KCNN4: variants seen among roughly 807,000 people sequenced by gnomAD.
KCNN4 encodes potassium calcium-activated channel subfamily N member 4.
A neutral mutation model predicts 45.2 loss-of-function variants in KCNN4; 31 were observed. The ratio of observed to expected loss-of-function variants is 0.69; its 90% confidence interval spans 0.52 to 0.92. KCNN4 has a LOEUF of 0.92. Ranked by LOEUF, KCNN4 falls within the 40% of genes least tolerant of loss-of-function variation. The pLI, the probability that KCNN4 is intolerant of heterozygous loss-of-function variation, is 0.00. For synonymous variants in KCNN4, 231 were observed against 254.6 expected, an observed-to-expected ratio of 0.91 and a Z score of 0.88; for missense variants, 463 against 574.0, an observed-to-expected ratio of 0.81 and a Z score of 1.98.
intron 1 of KCNN4, among the ~76,000 whole-genome samples, chr19:43,777,672 C>CTCTTTTT (rs111402121): frequency 6.8e-6 from 1 of 146,468 alleles, no homozygotes. Context: ...GAAATTGTTC[C>CTCTTTTT]TTTTTTTTTT....
chr19:43,767,199 G>A, intron 8 of KCNN4, 110 bp from the exon 9 acceptor site: 1 of 258,392 alleles, frequency 3.9e-6, no homozygotes, highest in Non-Finnish European at 7.8e-6. Flanking sequence ...GAGACAGGGG[G>A]CAGGTGTTTC....
rs1170962663 is a variant in KCNN4 at position 43,772,998 on chromosome 19, T to C, written c.684-863A>G. 1.3e-5 allele frequency among the ~76,000 whole-genome samples: 2 copies of C among 152,236 alleles called. No homozygotes were observed. Among genetic ancestry groups the C allele is most frequent in the Non-Finnish European group, 2.9e-5 (2 of 68,040 alleles). The stretch of plus-strand genomic sequence containing the variant: ...TTCCCAATTGTGAAAACTAAGATCC[T>C]GGAAGGTGAAGGAGTTTAAACTCAT... On this transcript the variant is annotated intron_variant, in intron 3 of 8. Coordinates refer to ENST00000648319, the MANE Select transcript of KCNN4 (RefSeq NM_002250.3). The surrounding 1 kb of genome is among the most constrained non-coding windows in gnomAD (Gnocchi z 4.4).
chr19:43,770,614 C>T (rs1317850506), intron 4 of KCNN4, among the ~76,000 whole-genome samples: 1 of 152,220 alleles, frequency 6.6e-6, no homozygotes, highest in East Asian at 1.9e-4. Context: ...GCCTGGGTTC[C>T]AAGCCCAGCT....
rs150786298 is a variant in KCNN4, at chr19:43,772,827, C to T, written c.684-692G>A. Among the ~76,000 whole-genome samples the T allele has an allele frequency of 8.2e-3, 1,246 of 152,330 alleles. 16 individuals are homozygous for T. Among genetic ancestry groups the T allele is most frequent in the African/African-American group, 0.029 (1,193 of 41,566 alleles). On this transcript the variant is annotated intron_variant, in intron 3 of 8. Coordinates refer to ENST00000648319, the MANE Select transcript of KCNN4 (RefSeq NM_002250.3). This position sits in a 1 kb window ranked among gnomAD's most constrained non-coding sequence, Gnocchi z 4.4. ...GCGAAGATGGAATCTGTACTGTTCA[C>T]AAACCCCACCCCCTCATTCCGAAGT...
chr19:43,777,529 T>G (rs1969848658), intron 1 of KCNN4, among the ~76,000 whole-genome samples: 1 of 152,154 alleles, frequency 6.6e-6, no homozygotes, highest in South Asian at 2.1e-4. Context: ...GCTGAGTCCC[T>G]GAGACCCAGC....
intron 2 of KCNN4, among the ~76,000 whole-genome samples, chr19:43,775,473 T>C (rs1969775182): frequency 1.3e-5 from 2 of 152,192 alleles, no homozygotes; most frequent in Non-Finnish European, 2.9e-5. Context: ...CCCCATTTTA[T>C]AGATGTGGAA....
intron 1 of KCNN4, 69 bp downstream of exon 1, chr19:43,780,634 G>T (rs923861294): frequency 1.9e-6 from 1 of 516,264 alleles, no homozygotes; most frequent in Non-Finnish European, 3.0e-6. Context: ...AGACCCAAGA[G>T]TCCTGACCCC....
chr19:43,776,880 C>T (rs138996997), intron 1 of KCNN4: 5 of 438,812 alleles, frequency 1.1e-5, no homozygotes, highest in African/African-American at 5.9e-5. Context: ...GGTGGATCAC[C>T]GAAGGTCGGG....
chr19:43,767,765 A>T, intron 7 of KCNN4, 58 bp from the exon 8 acceptor site: 2 of 1,602,094 alleles, frequency 1.2e-6, no homozygotes, highest in Non-Finnish European at 1.7e-6. Context: ...CACCTACTCC[A>T]TAGCGTAAGG....
At chr19:43,773,371 AGAG>A (rs1969697466) in intron 3 of KCNN4, among the ~76,000 whole-genome samples, 1 of 152,236 alleles carries the variant, frequency 6.6e-6, no homozygotes, top group African/African-American at 2.4e-5. Context: ...TGAGGCTCAG[AGAG>A]GAGAGATCTA....
Position 43,769,282 on chromosome 19 carries a change from G to A in KCNN4, c.1049+160C>T. 1 of 693,194 alleles carries A rather than the reference G, an allele frequency of 1.4e-6. No homozygotes were observed. Among genetic ancestry groups the A allele is most frequent in the Middle Eastern group, 3.9e-4 (1 of 2,586 alleles). 42.9% of individuals were successfully genotyped at this position (693,194 alleles called of 1,614,324 possible). ...AGACAAACCAGCACAGACACATAGA[G>A]TCATGCACGGTCAGATCCAGGTGAG... On this transcript the variant is annotated intron_variant, in intron 6 of 8. Transcript: ENST00000648319. This position sits in a 1 kb window ranked among gnomAD's most constrained non-coding sequence, Gnocchi z 4.4.
intron 1 of KCNN4, among the ~76,000 whole-genome samples, chr19:43,777,298 GGT>G (rs370942754): frequency 0.043 from 1,407 of 33,074 alleles, 26 homozygotes; most frequent in African/African-American, 0.098. Flanking sequence ...TAGTTCTTCA[GGT>G]GTGTGTGTGT....
intron 4 of KCNN4, among the ~76,000 whole-genome samples, chr19:43,771,326 A>G (rs557111203): frequency 6.6e-6 from 1 of 152,228 alleles, no homozygotes; most frequent in Admixed American, 6.5e-5. Flanking sequence ...TGGGCTGGGC[A>G]CTGTTGGAAG....
chr19:43,776,794 G>A (rs760355321), intron 1 of KCNN4, 158 bp from the exon 2 acceptor site: 9 of 619,812 alleles, frequency 1.5e-5, no homozygotes, highest in Non-Finnish European at 2.4e-5. Context: ...CGGTTCTGGA[G>A]AAGTCTCAAA....
intron 8 of KCNN4, 115 bp downstream of exon 8, chr19:43,767,425 T>C: frequency 3.1e-6 from 4 of 1,311,198 alleles, no homozygotes; most frequent in Non-Finnish European, 4.1e-6. Flanking sequence ...CCAGAGCTGA[T>C]GAGAAAAGGC....
intron 3 of KCNN4, among the ~76,000 whole-genome samples, chr19:43,773,658 T>G (rs903406229): frequency 1.3e-5 from 2 of 152,168 alleles, no homozygotes; most frequent in African/African-American, 4.8e-5. Flanking sequence ...GGGATAGAAA[T>G]TGAGGCGCGG....
At chr19:43,767,380 C>T in intron 8 of KCNN4, 160 bp downstream of exon 8, 1 of 860,558 alleles carries the variant, frequency 1.2e-6, no homozygotes. Context: ...CACTGCCAGT[C>T]CAGCCCCGAA....
At chr19:43,780,369 TCCAGGAGTCCTGACCCCCAGC>T (rs1568396780) in intron 1 of KCNN4, among the ~76,000 whole-genome samples, 14 of 80,062 alleles carry the variant, frequency 1.7e-4, no homozygotes, top group African/African-American at 7.3e-4. Flanking sequence ...CTCCCTCAGA[TCCAGGAGTCCTGACCCCCAGC>T]CCCTCCTCCC....
In KCNN4 at chr19:43,769,334, TG is replaced by T; in HGVS notation, c.1049+107del. ...CCTGGATGTTGAGTGAGACCACACC[TG>T]GGTGTCCTGACCTGGACAGGCATGG... On this transcript the variant is annotated intron_variant, in intron 6 of 8. Coordinates refer to ENST00000648319, the MANE Select transcript of KCNN4 (RefSeq NM_002250.3). This position sits in a 1 kb window ranked among gnomAD's most constrained non-coding sequence, Gnocchi z 4.4. The T allele has an allele frequency of 1.2e-6, 1 of 861,972 alleles. No homozygotes were observed. The highest frequency in any genetic ancestry group is 1.9e-6 in the Non-Finnish European group (1 of 521,616). 53.4% of individuals were successfully genotyped at this position (861,972 alleles called of 1,614,324 possible).
Sources: gnomAD v4.1 joint callset for allele counts (sites outside exome capture counted in the v4.1 genomes callset) on GRCh38, gnomAD v4.1.1 for gene constraint, Gnocchi (gnomAD v3.1) non-coding constraint, MANE v1.5 for transcripts, NCBI Gene and HGNC (gene_info 2026-07-23, HGNC 2026-07-21) for gene names.